CAP2: variants seen among roughly 807,000 people sequenced by gnomAD.
The protein encoded by CAP2 is adenylyl cyclase-associated protein 2.
In CAP2, 24 loss-of-function variants were observed where a neutral mutation model predicts 57.7. That is an observed-to-expected ratio of 0.42 (90% CI 0.30 to 0.58). The LOEUF is 0.58. CAP2 is among the 20% of genes least tolerant of loss of function. The pLI, the probability that CAP2 is intolerant of heterozygous loss-of-function variation, is 0.22. For missense variants in CAP2, 501 were observed against 590.3 expected (o/e 0.85, Z 1.57); for synonymous variants, 194 against 207.2 (o/e 0.94, Z 0.55).
chr6:17,445,551 A>G (rs73369464), intron 3 of CAP2, among the ~76,000 whole-genome samples: 1,988 of 152,336 alleles, frequency 0.013, 52 homozygotes, highest in African/African-American at 0.046. Flanking sequence ...TTGGAGTCTG[A>G]AAGGGTAAGT....
chr6:17,446,817 T>C (rs1760270112), intron 3 of CAP2, among the ~76,000 whole-genome samples: 1 of 152,158 alleles, frequency 6.6e-6, no homozygotes, highest in Non-Finnish European at 1.5e-5. Context: ...AAAGAGAAAA[T>C]GTGGGCATCA....
intron 4 of CAP2, among the ~76,000 whole-genome samples, chr6:17,468,456 G>A (rs553505320): frequency 1.3e-5 from 2 of 152,310 alleles, no homozygotes; most frequent in East Asian, 3.9e-4. Context: ...TCTATGCTGT[G>A]CTGTGGTCAT....
At chr6:17,461,114 A>G (rs1760707719) in intron 3 of CAP2, among the ~76,000 whole-genome samples, 1 of 152,166 alleles carries the variant, frequency 6.6e-6, no homozygotes. Flanking sequence ...GCACCACTGC[A>G]CTGCAGCCTG....
At chr6:17,495,995 C>G (rs904357073) in intron 4 of CAP2, among the ~76,000 whole-genome samples, 3 of 114,790 alleles carry the variant, frequency 2.6e-5, no homozygotes, top group African/African-American at 1.1e-4. Flanking sequence ...TTTATAGCTC[C>G]TGAAAGCAAC....
rs72835408 is a variant in CAP2, at chr6:17,442,656, G to A, written c.222+15966G>A. ...TAATCCCAGCATTTTTAGAGGCCAA[G>A]TGGGGGGAATTGCTTGAGGCCAGGA... On this transcript the variant is annotated intron_variant, in intron 3 of 12. Transcript: ENST00000229922. 2.7e-3 allele frequency among the ~76,000 whole-genome samples: 416 copies of A among 152,124 alleles called. 2 individuals carry two copies. In the Middle Eastern group the frequency reaches 0.037, roughly 14 times the overall value.
Position 17,507,730 on chromosome 6 carries a change from C to A in CAP2, c.530+4C>A, listed in dbSNP as rs139737796. The A allele has an allele frequency of 4.5e-4, 696 of 1,545,702 alleles. 5 individuals carry two copies. The African/African-American group carries it at 7.0e-3, about 15-fold the overall frequency. On this transcript the variant is annotated splice_donor_region_variant and intron_variant, in intron 6 of 12. Coordinates refer to ENST00000229922, the MANE Select transcript of CAP2 (RefSeq NM_006366.3). ...TCTTAAAGGACTACAAACACAGGTA[C>A]GTACCTTCCTTTACTCACCAAATTT...
intron 1 of CAP2, among the ~76,000 whole-genome samples, chr6:17,398,528 CTTT>C (rs71536724): frequency 6.9e-6 from 1 of 144,540 alleles, no homozygotes; most frequent in Admixed American, 7.0e-5. Flanking sequence ...CGATTTTAAA[CTTT>C]TTTTTTTTTT....
chr6:17,529,640 C>CAAAAAA lies in CAP2; in HGVS notation c.637-9622_637-9617dup, dbSNP rs1554129487. On this transcript the variant is annotated intron_variant, in intron 7 of 12. Transcript: ENST00000229922. ...TGGGCAACAGAGCAAGACTCCGTCT[C>CAAAAAA]AAAAAAAAAAAATATATATATATAT... Among the ~76,000 whole-genome samples, 860 of 117,156 alleles carry CAAAAAA rather than the reference C, an allele frequency of 7.3e-3. 6 individuals are homozygous for CAAAAAA. The highest frequency in any genetic ancestry group is 0.02 in the African/African-American group (506 of 25,664). The allele number at this position is 117,156 out of a possible 152,430, so 76.9% of individuals were successfully genotyped here. A position where few individuals can be genotyped will look rare whatever the true frequency, so the allele number is the denominator to read the frequency against.
chr6:17,418,878 T>C (rs544959207), intron 1 of CAP2, among the ~76,000 whole-genome samples: 126 of 152,172 alleles, frequency 8.3e-4, no homozygotes, highest in Admixed American at 1.9e-3. Context: ...TCTCTTTCCT[T>C]TTTTTTTCCT....
At chr6:17,535,350 C>T (rs1395133206) in intron 7 of CAP2, among the ~76,000 whole-genome samples, 1 of 151,198 alleles carries the variant, frequency 6.6e-6, no homozygotes, top group South Asian at 2.1e-4. Flanking sequence ...TCTCGGCTCA[C>T]TGCAACCTCT....
rs140943711 is a variant in CAP2, at chr6:17,449,884, T to C, written c.223-13112T>C. On this transcript the variant is annotated intron_variant, in intron 3 of 12. Transcript: ENST00000229922. ...GCTTTAGGCTATTTGGTGATAATTA[T>C]GAACTAGGAAAATAAGAGTTTTAGG... Among the ~76,000 whole-genome samples the C allele has an allele frequency of 4.0e-3, 604 of 152,332 alleles. 5 individuals are homozygous for C. The highest frequency in any genetic ancestry group is 0.014 in the African/African-American group (569 of 41,574).
At chr6:17,488,160 G>A (rs1051285144) in intron 4 of CAP2, among the ~76,000 whole-genome samples, 1 of 151,920 alleles carries the variant, frequency 6.6e-6, no homozygotes, top group African/African-American at 2.4e-5. Flanking sequence ...CTCCCACCTC[G>A]GCCTTCCAAA....
Position 17,438,573 on chromosome 6 carries a change from G to C in CAP2, c.222+11883G>C, listed in dbSNP as rs535784482. ...CCTGTCTCAGCCTCCTGAGTAGCTG[G>C]GACTACAGGCGCCCACAACCACGTC... On this transcript the variant is annotated intron_variant, in intron 3 of 12. Transcript: ENST00000229922. 2.8e-5 allele frequency among the ~76,000 whole-genome samples: 4 copies of C among 144,342 alleles called. No homozygotes were observed. In the South Asian group the frequency reaches 8.9e-4, roughly 32 times the overall value. 94.7% of individuals were successfully genotyped at this position (144,342 alleles called of 152,430 possible).
At chr6:17,446,280 A>G (rs1393189002) in intron 3 of CAP2, among the ~76,000 whole-genome samples, 3 of 152,226 alleles carry the variant, frequency 2.0e-5, no homozygotes, top group African/African-American at 7.2e-5. Flanking sequence ...GGGGAATGTG[A>G]GTTTAATTAG....
chr6:17,523,350 C>G (rs1192846084), intron 7 of CAP2, among the ~76,000 whole-genome samples: 1 of 152,086 alleles, frequency 6.6e-6, no homozygotes, highest in Non-Finnish European at 1.5e-5. Context: ...GAAGAAAAAT[C>G]TTCACCTGGG....
intron 1 of CAP2, among the ~76,000 whole-genome samples, chr6:17,409,426 AGAG>A (rs1248160147): frequency 6.6e-5 from 10 of 152,128 alleles, no homozygotes; most frequent in African/African-American, 2.4e-4. Flanking sequence ...TCTGGAAGAT[AGAG>A]GAGGTAGTAA....
Position 17,440,777 on chromosome 6 carries a change from C to T in CAP2, c.222+14087C>T, listed in dbSNP as rs150153372. On this transcript the variant is annotated intron_variant, in intron 3 of 12. Transcript: ENST00000229922. ...TGTTGGTTTGCTGCACCCATTAACT[C>T]GTCATTTATATTACGTATTTCTCCT... is the stretch of plus-strand genomic sequence containing the variant. 6.3e-3 allele frequency among the ~76,000 whole-genome samples: 955 copies of T among 151,412 alleles called. 53 individuals carry two copies. The highest frequency in any genetic ancestry group is 0.022 in the African/African-American group (902 of 40,846).
At chr6:17,451,245 A>T (rs753732516) in intron 3 of CAP2, among the ~76,000 whole-genome samples, 61 of 137,952 alleles carry the variant, frequency 4.4e-4, no homozygotes, top group Non-Finnish European at 6.9e-4. Context: ...AAAAAAAAAT[A>T]ATAATAATAA....
chr6:17,479,837 G>A lies in CAP2; in HGVS notation c.300+16764G>A, dbSNP rs541929463. Among the ~76,000 whole-genome samples, 5 of 151,806 alleles carry A rather than the reference G, an allele frequency of 3.3e-5. 1 individual carries two copies. In the South Asian group the frequency reaches 8.3e-4, roughly 25 times the overall value. ...TCACCATGTTAGCCAGGATGATCTC[G>A]ATCTCCTGACCTCGTGATCCGCCCA... On this transcript the variant is annotated intron_variant, in intron 4 of 12. Transcript: ENST00000229922.
Sources: gnomAD v4.1 joint callset for allele counts (sites outside exome capture counted in the v4.1 genomes callset) on GRCh38, gnomAD v4.1.1 for gene constraint, MANE v1.5 for transcripts, NCBI Gene and HGNC (gene_info 2026-07-23, HGNC 2026-07-21) for gene names.